Variants in RFTN1 observed in about 807,000 individuals in gnomAD.
RFTN1 encodes the protein raftlin, lipid raft linker 1, also known as raftlin.
A neutral mutation model predicts 46.5 loss-of-function variants in RFTN1; 26 were observed. That is an observed-to-expected ratio of 0.56 (90% CI 0.41 to 0.78). The LOEUF (loss-of-function observed/expected upper bound fraction) is 0.78, where lower values mean the gene tolerates loss of function less well. Among genes scored for constraint, RFTN1 ranks in the 30% least tolerant of loss-of-function variants. The probability of loss-of-function intolerance (pLI) is 0.00; values close to 1 mark genes in which losing one functional copy is unlikely to be tolerated. For missense variants in RFTN1, 693 were observed against 718.7 expected, an observed-to-expected ratio of 0.96 and a Z score of 0.41; for synonymous variants, 261 against 284.2, an observed-to-expected ratio of 0.92 and a Z score of 0.82.
chr3:16,497,713 A>G (rs1447707849), intron 1 of RFTN1, among the ~76,000 whole-genome samples: 2 of 152,202 alleles, frequency 1.3e-5, no homozygotes, highest in Non-Finnish European at 2.9e-5. Flanking sequence ...CTCATATTAG[A>G]GGTTCATTCC....
chr3:16,417,524 C>T (rs1203147522), intron 3 of RFTN1, among the ~76,000 whole-genome samples: 1 of 152,134 alleles, frequency 6.6e-6, no homozygotes, highest in Non-Finnish European at 1.5e-5. Context: ...ATAAAAGACC[C>T]CTATTCTGTG....
chr3:16,334,960 G>C lies in RFTN1; in HGVS notation c.1147-8084C>G, dbSNP rs965501794. 6.6e-6 allele frequency among the ~76,000 whole-genome samples: 1 copy of C among 152,208 alleles called. No individual in the cohort carries two copies. The highest frequency in any genetic ancestry group is 2.4e-5 in the African/African-American group (1 of 41,462). ...TGGAGTGATGCAGGGAAGGGGCCAC[G>C]AGCCAAGGAACATGGGCAGCTTCCA... On this transcript the variant is annotated intron_variant, in intron 7 of 9. Coordinates refer to ENST00000334133, the MANE Select transcript of RFTN1 (RefSeq NM_015150.2). This position sits in a 1 kb window ranked among gnomAD's most constrained non-coding sequence, Gnocchi z 4.3.
At chr3:16,333,957 A>C (rs2125257118) in intron 7 of RFTN1, among the ~76,000 whole-genome samples, 1 of 152,228 alleles carries the variant, frequency 6.6e-6, no homozygotes, top group Non-Finnish European at 1.5e-5. Flanking sequence ...CGAGGTCAGG[A>C]GATCGAGACC....
Position 16,336,906 on chromosome 3 carries a change from G to C in RFTN1, c.1147-10030C>G, listed in dbSNP as rs1043474096. On this transcript the variant is annotated intron_variant, in intron 7 of 9. Coordinates refer to ENST00000334133, the MANE Select transcript of RFTN1 (RefSeq NM_015150.2). The surrounding 1 kb of genome is among the most constrained non-coding windows in gnomAD (Gnocchi z 6.0). ...ATGAAACATATTGTTTGGAAGAATG[G>C]TGTCTATTATGACTTCCCTGTGTCC... is the stretch of plus-strand genomic sequence containing the variant. 6.6e-6 allele frequency among the ~76,000 whole-genome samples: 1 copy of C among 152,162 alleles called. No homozygotes were observed. Among genetic ancestry groups the C allele is most frequent in the Admixed American group, 6.5e-5 (1 of 15,274 alleles).
At chr3:16,367,635 T>C (rs776808156) in intron 6 of RFTN1, among the ~76,000 whole-genome samples, 2 of 151,870 alleles carry the variant, frequency 1.3e-5, no homozygotes, top group Non-Finnish European at 2.9e-5. Context: ...GAAGAATGAA[T>C]TTAATGTGGT....
intron 4 of RFTN1, among the ~76,000 whole-genome samples, chr3:16,378,908 A>T (rs1409900569): frequency 2.6e-5 from 4 of 152,230 alleles, no homozygotes; most frequent in Non-Finnish European, 5.9e-5. Context: ...TCTCCCTAAA[A>T]AATAGCCCAA....
At position 16,384,166 on chromosome 3, in the gene RFTN1, C is replaced by T. The variant is rs1410819727; in HGVS notation, c.442-6064G>A. On this transcript the variant is annotated intron_variant, in intron 4 of 9. Transcript: ENST00000334133. The surrounding 1 kb of genome is among the most constrained non-coding windows in gnomAD (Gnocchi z 4.7). ...CAGAAATTCTCCCTGGGTTTTCTCC[C>T]CTTCAAACTCAAAGACTGCAACACC... Among the ~76,000 whole-genome samples, 1 of 152,180 alleles carries T rather than the reference C, an allele frequency of 6.6e-6. No homozygotes were observed. The highest frequency in any genetic ancestry group is 1.5e-5 in the Non-Finnish European group (1 of 68,044).
chr3:16,357,114 CA>C (rs10563071), intron 7 of RFTN1, among the ~76,000 whole-genome samples: 48,949 of 133,314 alleles, frequency 0.37, 8,886 homozygotes, highest in East Asian at 0.48. Context: ...GATGCCATCT[CA>C]AAAAAAAAAA....
chr3:16,490,240 G>A (rs946681444), intron 2 of RFTN1, among the ~76,000 whole-genome samples: 6 of 152,194 alleles, frequency 3.9e-5, no homozygotes, highest in Non-Finnish European at 8.8e-5. Context: ...ATGTCAAAAG[G>A]ACAGTATTGA....
In RFTN1 at chr3:16,450,746, T is replaced by C. The variant is rs1457768536; in HGVS notation, c.146-16709A>G. Among the ~76,000 whole-genome samples, 1 of 152,174 alleles carries C rather than the reference T, an allele frequency of 6.6e-6. No individual in the cohort carries two copies. Among genetic ancestry groups the C allele is most frequent in the East Asian group, 1.9e-4 (1 of 5,196 alleles). ...AGGTGTTATTTTGCCTTCTCTTACCTTTTCATCAGACCCTGTTCTCAAGTC... is the reference window on the plus strand; with the variant it reads ...AGGTGTTATTTTGCCTTCTCTTACCCTTTCATCAGACCCTGTTCTCAAGTC... On this transcript the variant is annotated intron_variant, in intron 2 of 9. Transcript: ENST00000334133. This position sits in a 1 kb window ranked among gnomAD's most constrained non-coding sequence, Gnocchi z 4.6.
rs1057414273 is a variant in RFTN1, at chr3:16,500,546, T to C, written c.-8-6669A>G. ...AAGGGTAATTAGGAACTGGATGCTT[T>C]CTAAAGAGGAAAATAAAGTAATCAG... On this transcript the variant is annotated intron_variant, in intron 1 of 9. Transcript: ENST00000334133. The surrounding 1 kb of genome is among the most constrained non-coding windows in gnomAD (Gnocchi z 5.9). 6.6e-6 allele frequency among the ~76,000 whole-genome samples: 1 copy of C among 152,158 alleles called. No homozygotes were observed. The highest frequency in any genetic ancestry group is 6.5e-5 in the Admixed American group (1 of 15,282).
rs1184957863 is a variant in RFTN1, at chr3:16,336,963, TC to T, written c.1147-10088del. The T allele has an allele frequency of 6.6e-6, 1 of 152,246 alleles. No individual in the cohort carries two copies. Among genetic ancestry groups the T allele is most frequent in the Non-Finnish European group, 1.5e-5 (1 of 68,052 alleles). The allele number at this position is 152,246 out of a possible 1,614,324, so 9.4% of individuals were successfully genotyped here. A position where few individuals can be genotyped will look rare whatever the true frequency, so the allele number is the denominator to read the frequency against. On this transcript the variant is annotated intron_variant, in intron 7 of 9. Transcript: ENST00000334133. The surrounding 1 kb of genome is among the most constrained non-coding windows in gnomAD (Gnocchi z 6.0). ...CTTTCCAACACAGCTCGGCAGCTCC[TC>T]CCATAAGAGGGAGAGTCCCTCTGGT...
rs2881513 is a variant in RFTN1 at position 16,509,706 on chromosome 3, C to G, written c.-9+3736G>C. 0.15 allele frequency among the ~76,000 whole-genome samples: 22,855 copies of G among 152,184 alleles called. 1,969 individuals are homozygous for G. Among genetic ancestry groups the G allele is most frequent in the East Asian group, 0.28 (1,441 of 5,186 alleles). On this transcript the variant is annotated intron_variant, in intron 1 of 9. Transcript: ENST00000334133. This position sits in a 1 kb window ranked among gnomAD's most constrained non-coding sequence, Gnocchi z 4.9. ...AAAGTGCCCTCGAGTAAAATACATC[C>G]TGGGGCCCTGACATCTTGACACCCA...
rs111468892 is a variant in RFTN1 at position 16,456,607 on chromosome 3, T to C, written c.146-22570A>G. On this transcript the variant is annotated intron_variant, in intron 2 of 9. Transcript: ENST00000334133. ...AACCACTTTTCACTTTGAAAAATTC[T>C]TGAGGACCCCCCTAAGAACTTTTGT... 2.3e-3 allele frequency among the ~76,000 whole-genome samples: 353 copies of C among 152,366 alleles called. 2 individuals are homozygous for C. The highest frequency in any genetic ancestry group is 8.2e-3 in the African/African-American group (340 of 41,596).
intron 4 of RFTN1, among the ~76,000 whole-genome samples, chr3:16,379,110 G>A (rs992758548): frequency 6.6e-6 from 1 of 152,192 alleles, no homozygotes; most frequent in Non-Finnish European, 1.5e-5. Flanking sequence ...TAGTCACCAA[G>A]CTCTAAGCAG....
In RFTN1 at chr3:16,443,784, C is replaced by T. The variant is rs1203309989; in HGVS notation, c.146-9747G>A. 2.0e-5 allele frequency among the ~76,000 whole-genome samples: 3 copies of T among 150,356 alleles called. No individual in the cohort carries two copies. Among genetic ancestry groups the T allele is most frequent in the Non-Finnish European group, 4.4e-5 (3 of 67,666 alleles). On this transcript the variant is annotated intron_variant, in intron 2 of 9. Coordinates refer to ENST00000334133, the MANE Select transcript of RFTN1 (RefSeq NM_015150.2). This position sits in a 1 kb window ranked among gnomAD's most constrained non-coding sequence, Gnocchi z 5.5. The stretch of plus-strand genomic sequence containing the variant: ...ACACACACACACACACACACACACA[C>T]CACTGTACTGTAAAAATTCAGTGTC...
intron 2 of RFTN1, among the ~76,000 whole-genome samples, chr3:16,486,244 GT>G (rs1298657894): frequency 6.6e-6 from 1 of 151,936 alleles, no homozygotes; most frequent in Non-Finnish European, 1.5e-5. Context: ...GTTTCTATAT[GT>G]TTCCCCTCCC....
At chr3:16,401,316 C>T (rs1421593517) in intron 4 of RFTN1, among the ~76,000 whole-genome samples, 3 of 93,288 alleles carry the variant, frequency 3.2e-5, no homozygotes, top group Non-Finnish European at 6.1e-5. Flanking sequence ...GGAATGAAGC[C>T]GTGTTAAAAA....
chr3:16,404,286 T>C lies in RFTN1; in HGVS notation c.441+5089A>G, dbSNP rs1172491524. ...TATATAATATATATAATATGTAATATATAATATATATAATATGTAATATAT... is the reference window on the plus strand; with the variant it reads ...TATATAATATATATAATATGTAATACATAATATATATAATATGTAATATAT... On this transcript the variant is annotated intron_variant, in intron 4 of 9. Coordinates refer to ENST00000334133, the MANE Select transcript of RFTN1 (RefSeq NM_015150.2). Among the ~76,000 whole-genome samples, 2 of 33,734 alleles carry C rather than the reference T, an allele frequency of 5.9e-5. 1 individual carries two copies. Among genetic ancestry groups the C allele is most frequent in the South Asian group, 1.8e-3 (2 of 1,086 alleles). The allele number at this position is 33,734 out of a possible 152,430, so 22.1% of individuals were successfully genotyped here. A position where few individuals can be genotyped will look rare whatever the true frequency, so the allele number is the denominator to read the frequency against.
Sources: gnomAD v4.1 joint callset for allele counts (sites outside exome capture counted in the v4.1 genomes callset) on GRCh38, gnomAD v4.1.1 for gene constraint, Gnocchi (gnomAD v3.1) non-coding constraint, MANE v1.5 for transcripts, NCBI Gene and HGNC (gene_info 2026-07-23, HGNC 2026-07-21) for gene names.